Variants in ZMAT3 observed in about 807,000 individuals in gnomAD.
ZMAT3 encodes the protein zinc finger matrin-type protein 3.
A neutral mutation model predicts 32.3 loss-of-function variants in ZMAT3; 17 were observed. The ratio of observed to expected loss-of-function variants is 0.53; its 90% CI spans 0.36 to 0.79. ZMAT3 has a LOEUF of 0.79. Ranked by LOEUF, ZMAT3 falls within the 30% of genes least tolerant of loss-of-function variation. The pLI, the probability that ZMAT3 is intolerant of heterozygous loss-of-function variation, is 0.00. For synonymous variants in ZMAT3, 120 were observed against 133.1 expected (o/e 0.90, Z 0.68); for missense variants, 329 against 359.7 (o/e 0.91, Z 0.69).
At chr3:179,031,784 G>C (rs962459699) in intron 2 of ZMAT3, among the ~76,000 whole-genome samples, 1 of 151,944 alleles carries the variant, frequency 6.6e-6, no homozygotes, top group African/African-American at 2.4e-5. Flanking sequence ...GCACATGCCT[G>C]TAATCCCAGC....
At chr3:179,025,362 A>T in intron 5 of ZMAT3, 134 bp from the exon 6 acceptor site, 2 of 741,730 alleles carry the variant, frequency 2.7e-6, no homozygotes, top group Non-Finnish European at 4.3e-6. Context: ...AGTGAATGTG[A>T]AGTTAATGGA....
Position 179,023,888 on chromosome 3 carries a change from T to C in ZMAT3, c.*1129A>G, listed in dbSNP as rs1361366746. 1.3e-5 allele frequency: 2 copies of C among 148,424 alleles called. No homozygotes were observed. The highest frequency in any genetic ancestry group is 5.0e-5 in the African/African-American group (2 of 40,188). The allele number at this position is 148,424 out of a possible 1,614,324, so 9.2% of individuals were successfully genotyped here. On this transcript the variant is annotated 3_prime_UTR_variant, in exon 6 of 6. Coordinates refer to ENST00000311417, the MANE Select transcript of ZMAT3 (RefSeq NM_022470.4). ...GGCACCCACCACCACGCCCGGCTAA[T>C]GTTTTGTATTTTTAGTAGAGATGGG...
At chr3:179,064,930 T>C (rs1721330579) in intron 2 of ZMAT3, among the ~76,000 whole-genome samples, 1 of 152,224 alleles carries the variant, frequency 6.6e-6, no homozygotes, top group Non-Finnish European at 1.5e-5. Flanking sequence ...TTCTATCTTA[T>C]TGAAATCCAG....
chr3:179,059,501 A>T (rs984875200), intron 2 of ZMAT3, among the ~76,000 whole-genome samples: 3 of 152,192 alleles, frequency 2.0e-5, no homozygotes, highest in African/African-American at 7.2e-5. Context: ...TGTGCCAAAG[A>T]AATAAACCCC....
At chr3:179,029,465 A>AT (rs980886807) in intron 3 of ZMAT3, among the ~76,000 whole-genome samples, 74 of 152,114 alleles carry the variant, frequency 4.9e-4, no homozygotes, top group Admixed American at 3.7e-3. Flanking sequence ...TTTTAATTAC[A>AT]TTTTCTTTTT....
chr3:179,050,486 C>CAA (rs967800622), intron 2 of ZMAT3, among the ~76,000 whole-genome samples: 1 of 145,396 alleles, frequency 6.9e-6, no homozygotes, highest in Non-Finnish European at 1.5e-5. Context: ...AAGTTACCAA[C>CAA]AAAAAAAAAA....
chr3:179,050,869 G>T (rs1720518415), intron 2 of ZMAT3, among the ~76,000 whole-genome samples: 1 of 152,080 alleles, frequency 6.6e-6, no homozygotes, highest in African/African-American at 2.4e-5. Context: ...CTACATAAAA[G>T]AATTAAAAAC....
chr3:179,027,483 C>T lies in ZMAT3; in HGVS notation c.598G>A (p.Gly200Arg), dbSNP rs375025464. Residue 200 changes from glycine (G) to arginine (R), a missense_variant, in exon 5 of 6, where the codon GGG (glycine) becomes AGG (arginine). Coordinates refer to ENST00000311417, the MANE Select transcript of ZMAT3 (RefSeq NM_022470.4). ...TTAGGCATCATCTTAAACTCATTCC[C>T]TTCTTTCCTGGCCCGCCGTTGACCC... is the stretch of plus-strand genomic sequence containing the variant. ...ELGQRRARKEGNEFKMMPNRR... is the reference protein window; with the variant it reads ...ELGQRRARKERNEFKMMPNRR... The T allele has an allele frequency of 3.8e-5, 61 of 1,614,092 alleles. No individual in the cohort carries two copies. Among genetic ancestry groups the T allele is most frequent in the Non-Finnish European group, 4.7e-5 (56 of 1,180,038 alleles).
At chr3:179,051,016 C>A (rs554296120) in intron 2 of ZMAT3, among the ~76,000 whole-genome samples, 1 of 152,200 alleles carries the variant, frequency 6.6e-6, no homozygotes, top group African/African-American at 2.4e-5. Flanking sequence ...TATGACAAAC[C>A]CACAGCCAAC....
chr3:179,018,907 T>C lies in ZMAT3; in HGVS notation c.*6110A>G, dbSNP rs1718404315. On this transcript the variant is annotated 3_prime_UTR_variant, in exon 6 of 6. Transcript: ENST00000311417. Reference sequence around the variant, plus strand: ...TACTAAGCTACTTAATCTGCTCTCCTAGAGTTGTTTAAAACAGCTAATTAT... The same window carrying C: ...TACTAAGCTACTTAATCTGCTCTCCCAGAGTTGTTTAAAACAGCTAATTAT... 6.6e-6 allele frequency: 1 copy of C among 152,140 alleles called. No homozygotes were observed. The highest frequency in any genetic ancestry group is 1.5e-5 in the Non-Finnish European group (1 of 68,018). 9.4% of individuals were successfully genotyped at this position (152,140 alleles called of 1,614,324 possible). A position where few individuals can be genotyped will look rare whatever the true frequency, so the allele number is the denominator to read the frequency against.
intron 2 of ZMAT3, among the ~76,000 whole-genome samples, chr3:179,053,855 A>G (rs1285646405): frequency 6.6e-6 from 1 of 152,262 alleles, no homozygotes; most frequent in African/African-American, 2.4e-5. Flanking sequence ...ATTAAAGGAG[A>G]CATGAAAACT....
intron 2 of ZMAT3, among the ~76,000 whole-genome samples, chr3:179,047,471 C>A (rs1286917430): frequency 1.3e-5 from 2 of 152,208 alleles, no homozygotes; most frequent in Admixed American, 6.5e-5. Context: ...CAAAAGATCA[C>A]CTTAGCTCAC....
At chr3:179,034,988 T>C (rs967275169) in intron 2 of ZMAT3, among the ~76,000 whole-genome samples, 15 of 152,216 alleles carry the variant, frequency 9.9e-5, no homozygotes, top group African/African-American at 3.6e-4. Flanking sequence ...CAACTCCTAA[T>C]TGGTCTCTGC....
chr3:179,037,915 G>A (rs1037613609), intron 2 of ZMAT3, among the ~76,000 whole-genome samples: 1 of 152,026 alleles, frequency 6.6e-6, no homozygotes, highest in East Asian at 1.9e-4. Context: ...CTTTTCTAGG[G>A]GACATAAACA....
chr3:179,048,900 C>A (rs1211115921), intron 2 of ZMAT3, among the ~76,000 whole-genome samples: 1 of 152,066 alleles, frequency 6.6e-6, no homozygotes, highest in Non-Finnish European at 1.5e-5. Flanking sequence ...TAAGAATTCA[C>A]CAACCAAGTA....
chr3:179,043,670 C>T (rs886100527), intron 2 of ZMAT3, among the ~76,000 whole-genome samples: 3 of 152,172 alleles, frequency 2.0e-5, no homozygotes, highest in African/African-American at 7.2e-5. Flanking sequence ...TGGGCACAGA[C>T]TTCACAACTA....
At chr3:179,060,430 T>A (rs977149610) in intron 2 of ZMAT3, among the ~76,000 whole-genome samples, 1 of 151,432 alleles carries the variant, frequency 6.6e-6, no homozygotes, top group Non-Finnish European at 1.5e-5. Context: ...CCATCTGAGG[T>A]CAGGAGTTCG....
In ZMAT3 at chr3:179,020,687, C is replaced by T. The variant is rs1718500648; in HGVS notation, c.*4330G>A. On this transcript the variant is annotated 3_prime_UTR_variant, in exon 6 of 6. Transcript: ENST00000311417. ...AACCTTAGTTCTGACAATGAAGACA[C>T]AAAGTAGGTTAGGTTCCAAAACCAC... The T allele has an allele frequency of 4.6e-5, 7 of 152,296 alleles. No homozygotes were observed. The highest frequency in any genetic ancestry group is 4.6e-4 in the Admixed American group (7 of 15,282). The allele number at this position is 152,296 out of a possible 1,614,324, so 9.4% of individuals were successfully genotyped here.
chr3:179,057,792 G>A (rs116518061), intron 2 of ZMAT3, among the ~76,000 whole-genome samples: 25 of 152,286 alleles, frequency 1.6e-4, no homozygotes, highest in African/African-American at 6.0e-4. Context: ...GTTCCTTAAC[G>A]GGTTTCTGCC....
Sources: allele counts gnomAD v4.1 joint callset (sites outside exome capture counted in the v4.1 genomes callset), GRCh38; gene constraint gnomAD v4.1.1; transcripts MANE v1.5; gene names NCBI Gene and HGNC (gene_info 2026-07-23, HGNC 2026-07-21).